Variants in RAD52 observed in about 807,000 individuals in gnomAD.
The protein encoded by RAD52 is DNA repair protein RAD52 homolog.
Under a neutral mutation model 55.5 loss-of-function variants are expected in RAD52, and 47 were observed. The observed-to-expected ratio is 0.85, with a 90% CI of 0.67 to 1.08. The LOEUF (loss-of-function observed/expected upper bound fraction) is 1.08, where lower values mean the gene tolerates loss of function less well. Among genes scored for constraint, RAD52 ranks in the 50% least tolerant of loss-of-function variants. The pLI, the probability that RAD52 is intolerant of heterozygous loss-of-function variation, is 0.00. For missense variants in RAD52, 468 were observed against 522.8 expected (o/e 0.90, Z 1.02); for synonymous variants, 184 against 198.9 (o/e 0.92, Z 0.63).
chr12:945,212 A>G (rs1958145704), intron 1 of RAD52, among the ~76,000 whole-genome samples: 1 of 151,874 alleles, frequency 6.6e-6, no homozygotes, highest in Non-Finnish European at 1.5e-5. Context: ...TTAGCTGGGC[A>G]TGGTGGCAGG....
chr12:944,880 T>C (rs2154118434), intron 1 of RAD52, among the ~76,000 whole-genome samples: 1 of 151,444 alleles, frequency 6.6e-6, no homozygotes, highest in Admixed American at 6.6e-5. Flanking sequence ...TGAAGAAGCA[T>C]GTCAGGTGGA....
At chr12:917,798 G>A (rs543172866) in intron 7 of RAD52, among the ~76,000 whole-genome samples, 64 of 147,678 alleles carry the variant, frequency 4.3e-4, no homozygotes, top group Middle Eastern at 3.5e-3. Flanking sequence ...AATTAGCTGG[G>A]CATGGTGGCA....
chr12:949,734 C>A (rs531432975), upstream of RAD52: 7 of 118,396 alleles, frequency 5.9e-5, no homozygotes, highest in South Asian at 1.8e-3. Context: ...AAGGTCCGAA[C>A]CCACGCCCAG....
intron 7 of RAD52, among the ~76,000 whole-genome samples, chr12:923,571 A>G (rs1289665903): frequency 4.3e-5 from 5 of 115,270 alleles, no homozygotes; most frequent in African/African-American, 1.4e-4. Flanking sequence ...CATAAAATAA[A>G]TTAAAAAAAA....
intron 1 of RAD52, among the ~76,000 whole-genome samples, chr12:981,101 G>C (rs1959008616): frequency 6.6e-6 from 1 of 151,954 alleles, no homozygotes; most frequent in Admixed American, 6.6e-5. Flanking sequence ...AGGCTGAGGT[G>C]GGCAGATAGC....
At chr12:949,228 C>G (rs768186323) in intron 1 of RAD52, among the ~76,000 whole-genome samples, 1 of 152,094 alleles carries the variant, frequency 6.6e-6, no homozygotes, top group Non-Finnish European at 1.5e-5. Flanking sequence ...TCCCAGCGTC[C>G]CCCGCTCCCT....
rs551405894 is a variant in RAD52, at chr12:985,267, A to G, written c.-19+4542T>C. 3.3e-5 allele frequency among the ~76,000 whole-genome samples: 5 copies of G among 152,276 alleles called. No homozygotes were observed. In the South Asian group the frequency reaches 1.0e-3, roughly 32 times the overall value. On this transcript the variant is annotated intron_variant, in intron 1 of 11. Transcript: ENST00000430095. ...GGAATCCTTCTGTCTCAGCCTCACAAGTAGCTGGGACTATGGGTGCATGCC... is the reference window on the plus strand; with the variant it reads ...GGAATCCTTCTGTCTCAGCCTCACAGGTAGCTGGGACTATGGGTGCATGCC...
intron 1 of RAD52, among the ~76,000 whole-genome samples, chr12:963,981 G>A (rs1263347281): frequency 6.6e-6 from 1 of 152,126 alleles, no homozygotes; most frequent in Non-Finnish European, 1.5e-5. Context: ...CAGTGCAAGG[G>A]GGGAAGAGTG....
At chr12:932,212 A>C (rs1458258147) in intron 2 of RAD52, among the ~76,000 whole-genome samples, 1 of 151,990 alleles carries the variant, frequency 6.6e-6, no homozygotes, top group Admixed American at 6.5e-5. Flanking sequence ...AAAAAAATTA[A>C]GCCCGGGCGT....
At chr12:962,284 G>T (rs976052216) in intron 1 of RAD52, among the ~76,000 whole-genome samples, 3 of 151,844 alleles carry the variant, frequency 2.0e-5, no homozygotes, top group Admixed American at 1.3e-4. Flanking sequence ...AGCATGAGTA[G>T]AATCGAGAGA....
At chr12:980,295 CTT>C (rs1051155058) in intron 1 of RAD52, among the ~76,000 whole-genome samples, 21 of 139,610 alleles carry the variant, frequency 1.5e-4, no homozygotes, top group Admixed American at 3.6e-4. Context: ...GTTGTCTTTC[CTT>C]TTTTTTTTTT....
chr12:943,814 A>ATT (rs200455494), intron 1 of RAD52, among the ~76,000 whole-genome samples: 4 of 3,942 alleles, frequency 1.0e-3, no homozygotes, highest in Non-Finnish European at 4.4e-3. Flanking sequence ...TTTTTAAGTG[A>ATT]CTCTGGCATC....
chr12:915,281 A>G (rs1956297121), intron 9 of RAD52, among the ~76,000 whole-genome samples: 1 of 152,244 alleles, frequency 6.6e-6, no homozygotes, highest in Non-Finnish European at 1.5e-5. Context: ...TGCAATGGTT[A>G]AGAAGCTAAA....
At chr12:959,369 G>A (rs1958653587) in intron 1 of RAD52, among the ~76,000 whole-genome samples, 2 of 152,168 alleles carry the variant, frequency 1.3e-5, no homozygotes, top group Non-Finnish European at 2.9e-5. Flanking sequence ...TATCAGGAGT[G>A]AGCATTGTTC....
intron 1 of RAD52, among the ~76,000 whole-genome samples, chr12:988,508 A>G (rs1959118109): frequency 6.6e-6 from 1 of 152,186 alleles, no homozygotes; most frequent in Non-Finnish European, 1.5e-5. Context: ...TTATGTTGCT[A>G]TAAAGGCATG....
chr12:958,754 T>G lies in RAD52; in HGVS notation c.-18-25678A>C, dbSNP rs192338729. Reference sequence around the variant, plus strand: ...GCTGAAATGGGAAGGATCTGGGTCCTGCAGGGTGCGTGTGGCGATTCAGAG... The same window carrying G: ...GCTGAAATGGGAAGGATCTGGGTCCGGCAGGGTGCGTGTGGCGATTCAGAG... On this transcript the variant is annotated intron_variant, in intron 1 of 11. Coordinates refer to the RAD52 transcript ENST00000430095. Among the ~76,000 whole-genome samples the G allele has an allele frequency of 2.4e-3, 361 of 152,284 alleles. 2 individuals carry two copies. Among genetic ancestry groups the G allele is most frequent in the African/African-American group, 8.4e-3 (350 of 41,558 alleles).
At chr12:935,366 C>A (rs1051874301) in intron 1 of RAD52, among the ~76,000 whole-genome samples, 13 of 149,558 alleles carry the variant, frequency 8.7e-5, no homozygotes, top group Non-Finnish European at 1.6e-4. Flanking sequence ...GCAGCATCAC[C>A]ATCACCTGTG....
chr12:981,081 G>A (rs1378527388), intron 1 of RAD52, among the ~76,000 whole-genome samples: 1 of 151,788 alleles, frequency 6.6e-6, no homozygotes, highest in East Asian at 1.9e-4. Context: ...TGTAATCTCA[G>A]CATTTTGGGA....
At position 926,879 on chromosome 12, in the gene RAD52, C is replaced by T; in HGVS notation, c.467+266G>A. 4.6e-6 allele frequency: 7 copies of T among 1,536,494 alleles called. No homozygotes were observed. The East Asian group carries it at 1.7e-4, about 38-fold the overall frequency. On this transcript the variant is annotated intron_variant, in intron 6 of 11. Coordinates refer to ENST00000358495, the MANE Select transcript of RAD52 (RefSeq NM_134424.4). The stretch of plus-strand genomic sequence containing the variant: ...GCAGTAGGAGTGGGAAGGCCTCCGG[C>T]ACACATGACTGAGTGCACGGAGAAG...
Sources: gnomAD v4.1 joint callset for allele counts (sites outside exome capture counted in the v4.1 genomes callset) on GRCh38, gnomAD v4.1.1 for gene constraint, MANE v1.5 for transcripts, NCBI Gene and HGNC (gene_info 2026-07-23, HGNC 2026-07-21) for gene names.